The following CSGALNACT1 variants were observed in gnomAD, a reference collection of about 807,000 sequenced individuals.
The protein encoded by CSGALNACT1 is chondroitin sulfate N-acetylgalactosaminyltransferase 1.
In CSGALNACT1, 52 loss-of-function variants were observed where a neutral mutation model predicts 51.0. The ratio of observed to expected loss-of-function variants is 1.02; its 90% CI spans 0.82 to 1.29. The LOEUF is 1.29. CSGALNACT1 is among the 50% of genes most tolerant of loss of function. The probability of loss-of-function intolerance (pLI) is 0.00; values close to 1 mark genes in which losing one functional copy is unlikely to be tolerated. For missense variants in CSGALNACT1, 935 were observed against 679.2 expected (o/e 1.38, Z -4.19); for synonymous variants, 341 against 254.4 (o/e 1.34, Z -3.24).
At chr8:19,670,006 G>A (rs1478137063) in intron 1 of CSGALNACT1, among the ~76,000 whole-genome samples, 1 of 151,860 alleles carries the variant, frequency 6.6e-6, no homozygotes, top group Non-Finnish European at 1.5e-5. Context: ...TTTCCACCTG[G>A]AATTCTTCAA....
chr8:19,511,698 G>A lies in CSGALNACT1; in HGVS notation c.-296-5568C>T, dbSNP rs375989606. Among the ~76,000 whole-genome samples, 102 of 152,246 alleles carry A rather than the reference G, an allele frequency of 6.7e-4. 1 individual carries two copies. Among genetic ancestry groups the A allele is most frequent in the Middle Eastern group, 3.4e-3 (1 of 294 alleles). ...CCACACTGTACTGGGGTCTTGATGT[G>A]AGTGACTGTATTAGTCTGTTCTCAC... On this transcript the variant is annotated intron_variant, in intron 3 of 9. Transcript: ENST00000454498.
intron 5 of CSGALNACT1, among the ~76,000 whole-genome samples, chr8:19,447,449 G>A (rs1429554209): frequency 6.6e-6 from 1 of 152,172 alleles, no homozygotes; most frequent in African/African-American, 2.4e-5. Context: ...GCTGATCTGA[G>A]GCCTGATTTG....
chr8:19,602,213 T>C (rs2050586327), exon 1 of CSGALNACT1: 1 of 197,970 alleles, frequency 5.1e-6, no homozygotes, highest in Non-Finnish European at 1.0e-5. Context: ...AACTCGCAGC[T>C]CTGCTTCCAA....
chr8:19,564,298 T>A (rs528142410), intron 3 of CSGALNACT1, among the ~76,000 whole-genome samples: 21 of 152,254 alleles, frequency 1.4e-4, no homozygotes, highest in African/African-American at 4.8e-4. Context: ...TTAGAATCCC[T>A]CTGGGCACAA....
intron 1 of CSGALNACT1, among the ~76,000 whole-genome samples, chr8:19,647,683 T>A (rs1281526410): frequency 2.0e-5 from 3 of 152,164 alleles, no homozygotes; most frequent in African/African-American, 4.8e-5. Flanking sequence ...GTAACACAGA[T>A]AAAGAAATTG....
intron 4 of CSGALNACT1, among the ~76,000 whole-genome samples, chr8:19,461,038 G>A (rs1368932223): frequency 1.3e-5 from 2 of 152,180 alleles, no homozygotes; most frequent in Non-Finnish European, 2.9e-5. Context: ...GAGACACGGA[G>A]GAATTACAAG....
chr8:19,472,299 A>G (rs1396871523), intron 4 of CSGALNACT1, among the ~76,000 whole-genome samples: 1 of 152,244 alleles, frequency 6.6e-6, no homozygotes, highest in Non-Finnish European at 1.5e-5. Flanking sequence ...AACTTAAGAT[A>G]CAGGCAGAAG....
chr8:19,531,216 T>G (rs1447883505), intron 3 of CSGALNACT1, among the ~76,000 whole-genome samples: 1 of 152,180 alleles, frequency 6.6e-6, no homozygotes, highest in African/African-American at 2.4e-5. Context: ...CATCTTTATT[T>G]TAGAGTTGGA....
intron 6 of CSGALNACT1, among the ~76,000 whole-genome samples, chr8:19,425,934 C>A (rs568877659): frequency 1.3e-5 from 2 of 152,146 alleles, no homozygotes; most frequent in Non-Finnish European, 2.9e-5. Context: ...ACTTACAGTG[C>A]GCACTCTGAG....
chr8:19,718,832 A>C (rs2062956705), intron 1 of CSGALNACT1, among the ~76,000 whole-genome samples: 1 of 152,188 alleles, frequency 6.6e-6, no homozygotes, highest in Admixed American at 6.5e-5. Context: ...ACGACCGTGA[A>C]GCCCTCTCAG....
intron 1 of CSGALNACT1, among the ~76,000 whole-genome samples, chr8:19,654,945 TA>T (rs970429740): frequency 6.6e-4 from 97 of 146,866 alleles, no homozygotes; most frequent in African/African-American, 1.9e-3. Context: ...CTAGTTCTAC[TA>T]AAAAAAAAAA....
intron 1 of CSGALNACT1, among the ~76,000 whole-genome samples, chr8:19,752,814 A>G (rs372766480): frequency 1.3e-5 from 2 of 152,194 alleles, no homozygotes; most frequent in East Asian, 1.9e-4. Flanking sequence ...TGCATTGCCT[A>G]AAAACAGCAA....
intron 1 of CSGALNACT1, among the ~76,000 whole-genome samples, chr8:19,706,428 G>A (rs905181450): frequency 8.5e-5 from 13 of 152,116 alleles, no homozygotes; most frequent in African/African-American, 2.4e-4. Context: ...GTGGAGCCAC[G>A]GCAGCCCATG....
chr8:19,442,582 A>C (rs1300143098), intron 5 of CSGALNACT1, among the ~76,000 whole-genome samples: 1 of 92,032 alleles, frequency 1.1e-5, no homozygotes. Context: ...GCGTTGGGGG[A>C]GGGGGGAGGG....
At chr8:19,610,395 G>A (rs1331394665) in intron 1 of CSGALNACT1, among the ~76,000 whole-genome samples, 1 of 151,658 alleles carries the variant, frequency 6.6e-6, no homozygotes, top group Non-Finnish European at 1.5e-5. Context: ...GGACCTCGGT[G>A]AGGACAGGCA....
intron 1 of CSGALNACT1, among the ~76,000 whole-genome samples, chr8:19,641,216 T>A (rs2056707464): frequency 6.6e-6 from 1 of 150,890 alleles, no homozygotes. Context: ...GTGTTCAAGC[T>A]TTTCCAGGTA....
intron 1 of CSGALNACT1, among the ~76,000 whole-genome samples, chr8:19,667,630 G>A (rs778927614): frequency 5.3e-5 from 8 of 152,034 alleles, no homozygotes; most frequent in South Asian, 2.1e-4. Context: ...ACCACAAAAC[G>A]GCAGTAAGGA....
At chr8:19,636,220 G>A (rs528656444) in intron 1 of CSGALNACT1, among the ~76,000 whole-genome samples, 21 of 152,254 alleles carry the variant, frequency 1.4e-4, no homozygotes, top group African/African-American at 2.6e-4. Flanking sequence ...TCAGTTTCAC[G>A]TAACTTTTAT....
intron 1 of CSGALNACT1, among the ~76,000 whole-genome samples, chr8:19,716,612 CAAAAAAAAA>C (rs60464594): frequency 0.045 from 1,896 of 41,970 alleles, 40 homozygotes; most frequent in African/African-American, 0.14. Flanking sequence ...ACCCTCTCTA[CAAAAAAAAA>C]AAAAAAAAAA....
Sources: allele counts gnomAD v4.1 joint callset (sites outside exome capture counted in the v4.1 genomes callset), GRCh38; gene constraint gnomAD v4.1.1; transcripts MANE v1.5; gene names NCBI Gene and HGNC (gene_info 2026-07-23, HGNC 2026-07-21).